GMDS: variants seen among roughly 807,000 people sequenced by gnomAD.
GMDS encodes the protein GDP-mannose 4,6-dehydratase.
Under a neutral mutation model 49.9 loss-of-function variants are expected in GMDS, and 20 were observed. That is an observed-to-expected ratio of 0.40 (90% CI 0.28 to 0.58). The LOEUF (loss-of-function observed/expected upper bound fraction) is 0.58. Ranked by LOEUF, GMDS falls within the 20% of genes least tolerant of loss-of-function variation. GMDS has a pLI of 0.42. For missense variants in GMDS, 362 were observed against 481.4 expected (o/e 0.75, Z 2.32); for synonymous variants, 177 against 178.6 (o/e 0.99, Z 0.07).
intron 7 of GMDS, among the ~76,000 whole-genome samples, chr6:1,877,644 TAAAAA>T (rs60037634): frequency 3.3e-5 from 3 of 90,516 alleles, no homozygotes; most frequent in African/African-American, 1.3e-4. Flanking sequence ...TCTCAAAAAT[TAAAAA>T]AAAAAAAAAA....
Position 1,930,086 on chromosome 6 carries a change from A to T in GMDS, c.771+17T>A. 6.3e-7 allele frequency: 1 copy of T among 1,596,700 alleles called. No individual in the cohort carries two copies. On this transcript the variant is annotated intron_variant, in intron 7 of 10. Coordinates refer to ENST00000380815, the MANE Select transcript of GMDS (RefSeq NM_001500.4). ...TGGATACGGGTATTTTCAAGAATGT[A>T]ATGTGTCAGTTCCTACCTCCACATA...
intron 4 of GMDS, among the ~76,000 whole-genome samples, chr6:1,971,355 T>C (rs1156395625): frequency 6.6e-6 from 1 of 152,166 alleles, no homozygotes; most frequent in East Asian, 1.9e-4. Context: ...TAACCCCAAT[T>C]TTGTATGATT....
At chr6:2,135,864 T>C (rs1775970554) in intron 1 of GMDS, among the ~76,000 whole-genome samples, 1 of 152,212 alleles carries the variant, frequency 6.6e-6, no homozygotes, top group Admixed American at 6.5e-5. Context: ...TACTTTTTCA[T>C]ATTAAAGTCT....
At chr6:1,741,811 CAA>C (rs758949708) in intron 8 of GMDS, among the ~76,000 whole-genome samples, 327 of 22,988 alleles carry the variant, frequency 0.014, 7 homozygotes, top group East Asian at 0.087. Context: ...GACTCTGTCT[CAA>C]AAAAAAAAAA....
At chr6:2,177,719 C>G (rs1357556825) in intron 1 of GMDS, among the ~76,000 whole-genome samples, 2 of 152,152 alleles carry the variant, frequency 1.3e-5, no homozygotes, top group African/African-American at 4.8e-5. Flanking sequence ...CATGTATGAT[C>G]AGATGACAGC....
At chr6:1,751,343 G>C (rs1202305661) in intron 7 of GMDS, among the ~76,000 whole-genome samples, 1 of 152,172 alleles carries the variant, frequency 6.6e-6, no homozygotes, top group African/African-American at 2.4e-5. Context: ...CATCTGATGG[G>C]TGCCCCTCTG....
At chr6:1,729,490 T>C (rs971990451) in intron 8 of GMDS, among the ~76,000 whole-genome samples, 3 of 152,226 alleles carry the variant, frequency 2.0e-5, no homozygotes, top group South Asian at 2.1e-4. Flanking sequence ...CAAAGCTGAA[T>C]TGAGTTGGCA....
At chr6:2,137,159 C>T (rs971780643) in intron 1 of GMDS, among the ~76,000 whole-genome samples, 3 of 152,118 alleles carry the variant, frequency 2.0e-5, no homozygotes, top group Non-Finnish European at 2.9e-5. Context: ...AAATCTTCTG[C>T]ACATTAATCA....
chr6:1,966,835 TC>T (rs1246151748), intron 4 of GMDS, among the ~76,000 whole-genome samples: 9 of 152,126 alleles, frequency 5.9e-5, no homozygotes, highest in African/African-American at 2.2e-4. Context: ...CCCTAACACT[TC>T]CTTCCCTGCA....
At chr6:2,196,300 T>G (rs1369887847) in intron 1 of GMDS, among the ~76,000 whole-genome samples, 1 of 152,230 alleles carries the variant, frequency 6.6e-6, no homozygotes. Context: ...GATAAACACC[T>G]AGTGCTATGC....
rs185416612 is a variant in GMDS at position 2,090,579 on chromosome 6, T to A, written c.345+25192A>T. Among the ~76,000 whole-genome samples, 621 of 152,316 alleles carry A rather than the reference T, an allele frequency of 4.1e-3. 3 individuals carry two copies. Among genetic ancestry groups the A allele is most frequent in the Non-Finnish European group, 6.7e-3 (456 of 68,016 alleles). On this transcript the variant is annotated intron_variant, in intron 4 of 10. Coordinates refer to ENST00000380815, the MANE Select transcript of GMDS (RefSeq NM_001500.4). ...TCTTAAGCTTATAAAACGACCTGTT[T>A]AAAATTGCTTTCTAGGATTCCAATC... is the stretch of plus-strand genomic sequence containing the variant.
intron 7 of GMDS, among the ~76,000 whole-genome samples, chr6:1,826,902 A>T (rs1771136533): frequency 6.6e-6 from 1 of 152,080 alleles, no homozygotes; most frequent in South Asian, 2.1e-4. Flanking sequence ...CTCTCTAAAA[A>T]AAAAGGTTTC....
At chr6:2,057,224 G>A (rs752302224) in intron 4 of GMDS, among the ~76,000 whole-genome samples, 1 of 152,112 alleles carries the variant, frequency 6.6e-6, no homozygotes, top group Non-Finnish European at 1.5e-5. Context: ...ATGTTCTTCT[G>A]TGTTTATCTC....
At chr6:1,867,169 C>T (rs1386073099) in intron 7 of GMDS, among the ~76,000 whole-genome samples, 3 of 152,080 alleles carry the variant, frequency 2.0e-5, no homozygotes, top group Admixed American at 2.0e-4. Flanking sequence ...ACTTTGAACT[C>T]AAAAAAGTTG....
intron 1 of GMDS, among the ~76,000 whole-genome samples, chr6:2,239,460 A>T (rs1781513083): frequency 1.3e-5 from 2 of 152,174 alleles, no homozygotes; most frequent in African/African-American, 4.8e-5. Flanking sequence ...CAAACATCAC[A>T]CTACTGTAGA....
intron 1 of GMDS, among the ~76,000 whole-genome samples, chr6:2,174,555 T>TTTTGC (rs1778178403): frequency 6.6e-6 from 1 of 151,228 alleles, no homozygotes; most frequent in Admixed American, 6.6e-5. Flanking sequence ...GTTTTTTTTG[T>TTTTGC]TTTGTTTTGT....
At chr6:2,091,786 C>G (rs553833701) in intron 4 of GMDS, among the ~76,000 whole-genome samples, 6 of 151,888 alleles carry the variant, frequency 4.0e-5, no homozygotes, top group African/African-American at 1.4e-4. Flanking sequence ...AGCTGTGGTC[C>G]CAGCTACTCG....
chr6:1,878,188 A>G (rs866450044), intron 7 of GMDS, among the ~76,000 whole-genome samples: 53 of 151,870 alleles, frequency 3.5e-4, no homozygotes, highest in South Asian at 1.9e-3. Context: ...GGTGGCGGGC[A>G]CCTGTAGTCC....
chr6:1,753,378 C>T (rs1227787407), intron 7 of GMDS, among the ~76,000 whole-genome samples: 1 of 152,062 alleles, frequency 6.6e-6, no homozygotes, highest in Non-Finnish European at 1.5e-5. Context: ...ACAGGAGCAC[C>T]CAGATTCATA....
Sources: gnomAD v4.1 joint callset for allele counts (sites outside exome capture counted in the v4.1 genomes callset) on GRCh38, gnomAD v4.1.1 for gene constraint, MANE v1.5 for transcripts, NCBI Gene and HGNC (gene_info 2026-07-23, HGNC 2026-07-21) for gene names.